Variants in NCOR1 observed in about 807,000 individuals in gnomAD.
NCOR1 encodes protein phosphatase 1, regulatory subunit 109.
Under a neutral mutation model 288.1 loss-of-function variants are expected in NCOR1, and 63 were observed. That is an observed-to-expected ratio of 0.22 (90% CI 0.18 to 0.27). The LOEUF (loss-of-function observed/expected upper bound fraction) is 0.27, where lower values mean the gene tolerates loss of function less well. Ranked by LOEUF, NCOR1 falls within the 10% of genes least tolerant of loss-of-function variation. NCOR1 has a pLI of 1.00. For missense variants in NCOR1, 2,397 were observed against 3,019.2 expected (o/e 0.79, Z 4.83); for synonymous variants, 1,007 against 1,065.9 (o/e 0.94, Z 1.08).
chr17:16,151,156 G>T (rs1287390535), intron 8 of NCOR1, among the ~76,000 whole-genome samples: 1 of 151,232 alleles, frequency 6.6e-6, no homozygotes, highest in Non-Finnish European at 1.5e-5. Context: ...TCACATTTTT[G>T]TCACAAACTA....
chr17:16,087,438 C>A (rs550679493), intron 22 of NCOR1: 386 of 726,984 alleles, frequency 5.3e-4, no homozygotes, highest in Non-Finnish European at 7.5e-4. Context: ...AGGGGCTGAT[C>A]CGACTATAAC....
chr17:16,110,756 C>A (rs369918327), intron 18 of NCOR1, among the ~76,000 whole-genome samples: 1 of 152,138 alleles, frequency 6.6e-6, no homozygotes, highest in African/African-American at 2.4e-5. Context: ...CATTCTCATG[C>A]GGATGATATT....
intron 22 of NCOR1, 24 bp downstream of exon 22, chr17:16,091,839 T>C: frequency 6.2e-7 from 1 of 1,613,614 alleles, no homozygotes; most frequent in East Asian, 2.2e-5. Context: ...AAAAGTTCTC[T>C]TGGTGATAGC....
At chr17:16,202,929 C>T (rs935056082) in intron 1 of NCOR1, among the ~76,000 whole-genome samples, 1 of 152,124 alleles carries the variant, frequency 6.6e-6, no homozygotes, top group African/African-American at 2.4e-5. Context: ...CTATCAAACA[C>T]CTGTGAAGGT....
chr17:16,054,003 AAACTGGGCTTCT>A (rs897071417), intron 40 of NCOR1, among the ~76,000 whole-genome samples: 3 of 151,344 alleles, frequency 2.0e-5, no homozygotes, highest in African/African-American at 7.3e-5. Context: ...CAGAAGACTG[AAACTGGGCTTCT>A]TCTTTATACC....
intron 19 of NCOR1, among the ~76,000 whole-genome samples, chr17:16,104,434 C>T (rs1269981547): frequency 6.6e-6 from 1 of 152,142 alleles, no homozygotes; most frequent in Non-Finnish European, 1.5e-5. Context: ...TAAGCAGATG[C>T]TCTCATGGAG....
intron 26 of NCOR1, among the ~76,000 whole-genome samples, chr17:16,077,941 A>G (rs990059692): frequency 3.3e-5 from 5 of 152,338 alleles, no homozygotes; most frequent in African/African-American, 1.2e-4. Flanking sequence ...GGGAAAAATA[A>G]CTTTCAAATA....
chr17:16,056,071 ATT>A (rs565027135), intron 40 of NCOR1, among the ~76,000 whole-genome samples: 1 of 147,120 alleles, frequency 6.8e-6, no homozygotes, highest in African/African-American at 2.5e-5. Flanking sequence ...TTCCACAATA[ATT>A]TTTTTTTTTA....
intron 21 of NCOR1, among the ~76,000 whole-genome samples, chr17:16,095,057 G>A (rs1198451305): frequency 2.0e-5 from 3 of 146,798 alleles, no homozygotes; most frequent in African/African-American, 7.6e-5. Context: ...CCCTCTGCCT[G>A]GCTGCCCAGT....
chr17:16,114,919 C>T (rs1007663659), intron 18 of NCOR1, among the ~76,000 whole-genome samples: 5 of 152,256 alleles, frequency 3.3e-5, no homozygotes, highest in Admixed American at 1.3e-4. Context: ...TTAGGCAGTG[C>T]ACTAGTAGGG....
intron 14 of NCOR1, among the ~76,000 whole-genome samples, chr17:16,129,098 T>C (rs751400130): frequency 9.2e-5 from 14 of 152,238 alleles, no homozygotes; most frequent in African/African-American, 2.9e-4. Flanking sequence ...AAAATGCATG[T>C]CAATGGCTTT....
chr17:16,195,403 G>A (rs1442940636), intron 1 of NCOR1, among the ~76,000 whole-genome samples: 5 of 152,042 alleles, frequency 3.3e-5, no homozygotes, highest in Non-Finnish European at 5.9e-5. Context: ...CCTGGAAGGC[G>A]GAGGTTGCAG....
Position 16,171,843 on chromosome 17 carries a change from G to C in NCOR1, c.395C>G (p.Pro132Arg). 6.2e-7 allele frequency: 1 copy of C among 1,610,954 alleles called. No homozygotes were observed. The highest frequency in any genetic ancestry group is 1.1e-5 in the South Asian group (1 of 90,584). The change falls in exon 4 of 46, where the codon CCG (proline) becomes CGG (arginine). Residue 132 changes from proline (P) to arginine (R), a missense_variant. By Grantham distance (103) the Pro-to-Arg change is moderately radical. Coordinates refer to ENST00000268712, the MANE Select transcript of NCOR1 (RefSeq NM_006311.4). ...AGAAGCCCTCAGCCCTTCTGGCAGC[G>C]GGTGCACTAAAGGCAAAACCGCAGC... ...VSAAVLPLVH[P>R]LPEGLRASAD...
chr17:16,048,149 G>A (rs2058883253), intron 41 of NCOR1, among the ~76,000 whole-genome samples: 1 of 152,240 alleles, frequency 6.6e-6, no homozygotes, highest in Admixed American at 6.5e-5. Context: ...GACATGTCTG[G>A]CTTTCAGCGC....
At chr17:16,079,531 T>C (rs1391830516) in intron 26 of NCOR1, among the ~76,000 whole-genome samples, 3 of 152,208 alleles carry the variant, frequency 2.0e-5, no homozygotes, top group South Asian at 2.1e-4. Context: ...GTTAATACCA[T>C]CCACATTTCC....
intron 2 of NCOR1, among the ~76,000 whole-genome samples, chr17:16,186,980 C>T (rs1568554545): frequency 6.6e-6 from 1 of 152,084 alleles, no homozygotes; most frequent in African/African-American, 2.4e-5. Flanking sequence ...ATCTCAAACT[C>T]ATGTGTTCAA....
rs115614290 is a variant in NCOR1 at position 16,057,910 on chromosome 17, G to T, written c.6165C>A (p.Ile2055=). 5.9e-4 allele frequency: 945 copies of T among 1,605,258 alleles called. 4 individuals carry two copies. The African/African-American group carries it at 0.011, about 19-fold the overall frequency. The change falls in exon 39 of 46, where the codon ATC becomes ATA. Residue 2055 remains isoleucine (I), a synonymous_variant. Transcript: ENST00000268712. ...ATAAGAATAATGAAAAACTTACACA[G>T]ATGTGATCAGCAAGTGTGATCAGCC... The part of the protein sequence containing the change: ...THRLITLADH[I]CQIITQDFAR...
intron 3 of NCOR1, among the ~76,000 whole-genome samples, chr17:16,184,992 T>C (rs942243948): frequency 9.2e-5 from 12 of 130,284 alleles, no homozygotes; most frequent in African/African-American, 3.5e-4. Flanking sequence ...ATTTCGCTTA[T>C]ATGTGGAATC....
chr17:16,069,706 A>C (rs547540866), intron 31 of NCOR1, among the ~76,000 whole-genome samples: 1 of 152,310 alleles, frequency 6.6e-6, no homozygotes, highest in East Asian at 1.9e-4. Context: ...GGTAGGTCTT[A>C]ATGTTACATT....
Sources: allele counts gnomAD v4.1 joint callset (sites outside exome capture counted in the v4.1 genomes callset), GRCh38; gene constraint gnomAD v4.1.1; transcripts MANE v1.5; gene names NCBI Gene and HGNC (gene_info 2026-07-23, HGNC 2026-07-21).